Variants in FGF4 observed in about 807,000 individuals in gnomAD.
The protein encoded by FGF4 is heparin secretory transforming protein 1.
FGF4 carries 9 observed loss-of-function variants against 15.7 expected under a neutral mutation model. The ratio of observed to expected loss-of-function variants is 0.57; its 90% CI spans 0.35 to 1.00. The LOEUF (loss-of-function observed/expected upper bound fraction) is 1.00, where lower values mean the gene tolerates loss of function less well. Among genes scored for constraint, FGF4 ranks in the 50% least tolerant of loss-of-function variants. The pLI is 0.02. For synonymous variants in FGF4, 164 were observed against 144.8 expected (o/e 1.13, Z -0.95); for missense variants, 286 against 297.3 (o/e 0.96, Z 0.28).
intron 1 of FGF4, 52 bp from the exon 2 acceptor site, chr11:69,774,179 G>A (rs769840839): frequency 2.8e-6 from 4 of 1,442,556 alleles, no homozygotes; most frequent in Non-Finnish European, 3.8e-6. Context: ...GGCCCACTCC[G>A]CCCCTCGGCT....
Position 69,774,972 on chromosome 11 carries a change from G to T in FGF4, c.113C>A (p.Thr38Lys). The part of the protein sequence containing the change: ...GAAAPTAPNG[T>K]LEAELERRWE... The stretch of plus-strand genomic sequence containing the variant: ...GCGGCGCTCCAGCTCGGCCTCCAGC[G>T]TGCCGTTGGGTGCAGTGGGTGCGGC... The change falls in exon 1 of 3, where the codon ACG becomes AAG. Residue 38 changes from threonine to lysine, a missense_variant. Physicochemically the swap from Thr to Lys is moderately conservative, Grantham distance 78. Coordinates refer to ENST00000168712, the MANE Select transcript of FGF4 (RefSeq NM_002007.4). 2.0e-6 allele frequency: 3 copies of T among 1,474,414 alleles called. No homozygotes were observed. Among genetic ancestry groups the T allele is most frequent in the Non-Finnish European group, 2.7e-6 (3 of 1,120,684 alleles). 91.3% of individuals were successfully genotyped at this position (1,474,414 alleles called of 1,614,324 possible).
In FGF4 at chr11:69,771,107, G is replaced by T. The variant is rs996951853; in HGVS notation, c.*2202C>A. The T allele has an allele frequency of 6.6e-6, 1 of 152,166 alleles. No individual in the cohort carries two copies. Among genetic ancestry groups the T allele is most frequent in the South Asian group, 2.1e-4 (1 of 4,832 alleles). The allele number at this position is 152,166 out of a possible 1,614,324, so 9.4% of individuals were successfully genotyped here. On this transcript the variant is annotated 3_prime_UTR_variant, in exon 3 of 3. Coordinates refer to ENST00000168712, the MANE Select transcript of FGF4 (RefSeq NM_002007.4). ...TGGTGTCTTTTTATACACGATAAAC[G>T]CTTATCATTGTCGGTCAGCATGTCA...
In FGF4 at chr11:69,775,187, G is replaced by C; in HGVS notation, c.-103C>G. On this transcript the variant is annotated 5_prime_UTR_variant, in exon 1 of 3. Transcript: ENST00000168712. ...CCCGCGGGAGCGCACGGCCGACCTCGGGCAGGAGTGCGCAACCGAGGAGGT... is the reference window on the plus strand; with the variant it reads ...CCCGCGGGAGCGCACGGCCGACCTCCGGCAGGAGTGCGCAACCGAGGAGGT... The C allele has an allele frequency of 2.5e-6, 2 of 803,682 alleles. No individual in the cohort carries two copies. Among genetic ancestry groups the C allele is most frequent in the Non-Finnish European group, 3.4e-6 (2 of 595,024 alleles). The allele number at this position is 803,682 out of a possible 1,614,324, so 49.8% of individuals were successfully genotyped here.
chr11:69,772,972 A>C lies in FGF4; in HGVS notation c.*337T>G. 1 of 278,684 alleles carries C rather than the reference A, an allele frequency of 3.6e-6. No homozygotes were observed. Among genetic ancestry groups the C allele is most frequent in the Non-Finnish European group, 6.8e-6 (1 of 146,012 alleles). The allele number at this position is 278,684 out of a possible 1,614,324, so 17.3% of individuals were successfully genotyped here. A position where few individuals can be genotyped will look rare whatever the true frequency, so the allele number is the denominator to read the frequency against. Reference sequence around the variant, plus strand: ...CCATACTACAGGGGATGACATCGGAATCCAATGTCACCTTTTTTTAAAACA... The same window carrying C: ...CCATACTACAGGGGATGACATCGGACTCCAATGTCACCTTTTTTTAAAACA... On this transcript the variant is annotated 3_prime_UTR_variant, in exon 3 of 3. Transcript: ENST00000168712.
Position 69,774,901 on chromosome 11 carries a change from C to A in FGF4, c.184G>T (p.Ala62Ser). 6.7e-7 allele frequency: 1 copy of A among 1,483,740 alleles called. No individual in the cohort carries two copies. The highest frequency in any genetic ancestry group is 8.9e-7 in the Non-Finnish European group (1 of 1,124,872). 91.9% of individuals were successfully genotyped at this position (1,483,740 alleles called of 1,614,324 possible). Reference protein sequence around the residue: ...ALSLARLPVAAQPKEAAVQSG... With the variant: ...ALSLARLPVASQPKEAAVQSG... The stretch of plus-strand genomic sequence containing the variant: ...TGGACGGCCGCCTCCTTGGGCTGCG[C>A]TGCCACCGGCAGGCGCGCCAACGAG... The change falls in exon 1 of 3, where the codon GCG (alanine) becomes TCG (serine). Residue 62 changes from alanine (A) to serine (S), a missense_variant. By Grantham distance (99) the Ala-to-Ser change is moderately conservative. Transcript: ENST00000168712.
In FGF4 at chr11:69,771,937, C is replaced by T. The variant is rs1313230750; in HGVS notation, c.*1372G>A. On this transcript the variant is annotated 3_prime_UTR_variant, in exon 3 of 3. Transcript: ENST00000168712. The stretch of plus-strand genomic sequence containing the variant: ...CCTCGGAACTTTTTTTAAACATCAC[C>T]GACCCTGCCTCTTCCACGGTTGCTT... 2 of 152,054 alleles carry T rather than the reference C, an allele frequency of 1.3e-5. No individual in the cohort carries two copies. The highest frequency in any genetic ancestry group is 2.9e-5 in the Non-Finnish European group (2 of 68,002). 9.4% of individuals were successfully genotyped at this position (152,054 alleles called of 1,614,324 possible).
In FGF4 at chr11:69,773,186, A is replaced by T; in HGVS notation, c.*123T>A. On this transcript the variant is annotated 3_prime_UTR_variant, in exon 3 of 3. Transcript: ENST00000168712. ...GCAATATATACACATTTAAATAATT[A>T]ATTTAAATATCTTACACCTACTCTT... 1 of 682,384 alleles carries T rather than the reference A, an allele frequency of 1.5e-6. No individual in the cohort carries two copies. Among genetic ancestry groups the T allele is most frequent in the Non-Finnish European group, 2.5e-6 (1 of 404,038 alleles). The allele number at this position is 682,384 out of a possible 1,614,324, so 42.3% of individuals were successfully genotyped here. A position where few individuals can be genotyped will look rare whatever the true frequency, so the allele number is the denominator to read the frequency against.
rs911071371 is a variant in FGF4 at position 69,775,165 on chromosome 11, G to C, written c.-81C>G. ...GGCAGAGCTGCGCCTGTGGCGTCCC[G>C]CGGGAGCGCACGGCCGACCTCGGGC... is the stretch of plus-strand genomic sequence containing the variant. On this transcript the variant is annotated 5_prime_UTR_variant, in exon 1 of 3. Transcript: ENST00000168712. 14 of 986,700 alleles carry C rather than the reference G, an allele frequency of 1.4e-5. No individual in the cohort carries two copies. In the African/African-American group the frequency reaches 2.4e-4, roughly 17 times the overall value. 61.1% of individuals were successfully genotyped at this position (986,700 alleles called of 1,614,324 possible). A position where few individuals can be genotyped will look rare whatever the true frequency, so the allele number is the denominator to read the frequency against.
chr11:69,774,096 G>C lies in FGF4; in HGVS notation c.372C>G (p.Gly124=). The C allele has an allele frequency of 6.2e-7, 1 of 1,612,766 alleles. No individual in the cohort carries two copies. The highest frequency in any genetic ancestry group is 8.5e-7 in the Non-Finnish European group (1 of 1,179,904). ...SLLELSPVER[G]VVSIFGVASR... is the part of the protein sequence containing the mutation. ...TGGCCACGCCGAAGATGCTCACCAC[G>C]CCCCGCTCCACGGGCGAGAGCTCCA... is the stretch of plus-strand genomic sequence containing the variant. The change falls in exon 2 of 3, where the codon GGC becomes GGG. Residue 124 remains glycine (G), a synonymous_variant. Transcript: ENST00000168712.
Position 69,775,119 on chromosome 11 carries a change from A to G in FGF4, c.-35T>C. ...AGGGCCGTGCGTCGGTCAGGCGGTCAGTGCGCCCGGGAAGCTGGGGGGCAG... is the reference window on the plus strand; with the variant it reads ...AGGGCCGTGCGTCGGTCAGGCGGTCGGTGCGCCCGGGAAGCTGGGGGGCAG... On this transcript the variant is annotated 5_prime_UTR_variant, in exon 1 of 3. Coordinates refer to ENST00000168712, the MANE Select transcript of FGF4 (RefSeq NM_002007.4). The G allele has an allele frequency of 8.0e-7, 1 of 1,254,150 alleles. No homozygotes were observed. Among genetic ancestry groups the G allele is most frequent in the Non-Finnish European group, 1.0e-6 (1 of 991,838 alleles). 77.7% of individuals were successfully genotyped at this position (1,254,150 alleles called of 1,614,324 possible). A position where few individuals can be genotyped will look rare whatever the true frequency, so the allele number is the denominator to read the frequency against.
At position 69,773,422 on chromosome 11, in the gene FGF4, C is replaced by G. The variant is rs1855599086; in HGVS notation, c.508G>C (p.Glu170Gln). 1 of 1,614,140 alleles carries G rather than the reference C, an allele frequency of 6.2e-7. No individual in the cohort carries two copies. Among genetic ancestry groups the G allele is most frequent in the South Asian group, 1.1e-5 (1 of 91,078 alleles). ...ILLPNNYNAY[E>Q]SYKYPGMFIA... ...AACATGCCGGGGTACTTGTAGGACT[C>G]GTAGGCGTTGTAGTTGTTGGGAAGG... Residue 170 changes from glutamate to glutamine, a missense_variant, in exon 3 of 3, where the codon GAG becomes CAG. Transcript: ENST00000168712.
intron 1 of FGF4, 130 bp downstream of exon 1, chr11:69,774,615 C>A (rs1249073598): frequency 9.4e-6 from 6 of 639,250 alleles, no homozygotes. Context: ...GGACCGGAGC[C>A]CGAGTCCGCC....
Position 69,774,041 on chromosome 11 carries a change from C to G in FGF4, c.427G>C (p.Gly143Arg), listed in dbSNP as rs1855608191. Residue 143 changes from glycine to arginine, a missense_variant, in exon 2 of 3, where the codon GGC becomes CGC. Transcript: ENST00000168712. ...GTACTCACCGAGCCATAGAGCTTGC[C>G]CTTGCTGCTCATGGCCACGAAGAAC... ...SRFFVAMSSK[G>R]KLYGSPFFTD... is the part of the protein sequence containing the mutation. 6.2e-7 allele frequency: 1 copy of G among 1,612,922 alleles called. No individual in the cohort carries two copies. Among genetic ancestry groups the G allele is most frequent in the African/African-American group, 1.3e-5 (1 of 74,954 alleles).
rs1432374845 is a variant in FGF4 at position 69,774,115 on chromosome 11, A to C, written c.353T>G (p.Leu118Arg). ...CACCACGCCCCGCTCCACGGGCGAG[A>C]GCTCCAGCAGGCCTGGGGGCGGGGC... ...HADTRDSLLELSPVERGVVSI... is the reference protein window; with the variant it reads ...HADTRDSLLERSPVERGVVSI... Residue 118 changes from leucine to arginine, a missense_variant, in exon 2 of 3, where the codon CTC becomes CGC. Coordinates refer to ENST00000168712, the MANE Select transcript of FGF4 (RefSeq NM_002007.4). 6.2e-7 allele frequency: 1 copy of C among 1,611,806 alleles called. No individual in the cohort carries two copies. Among genetic ancestry groups the C allele is most frequent in the African/African-American group, 1.3e-5 (1 of 74,866 alleles).
intron 1 of FGF4, among the ~76,000 whole-genome samples, chr11:69,774,477 G>C (rs943073188): frequency 6.6e-6 from 1 of 152,314 alleles, no homozygotes; most frequent in African/African-American, 2.4e-5. Context: ...CTGTGCCCAC[G>C]GGCGAAGGCG....
chr11:69,775,049 G>C lies in FGF4; in HGVS notation c.36C>G (p.Leu12=). Residue 12 remains leucine (L), a synonymous_variant, in exon 1 of 3, where the codon CTC becomes CTG. Coordinates refer to ENST00000168712, the MANE Select transcript of FGF4 (RefSeq NM_002007.4). ...SGPGTAAVAL[L]PAVLLALLAP... is the part of the protein sequence containing the mutation. The stretch of plus-strand genomic sequence containing the variant: ...CCAGCAAGGCCAGCAGGACCGCCGG[G>C]AGCAGCGCTACCGCGGCCGTCCCGG... 7.2e-7 allele frequency: 1 copy of C among 1,386,272 alleles called. No homozygotes were observed. 85.9% of individuals were successfully genotyped at this position (1,386,272 alleles called of 1,614,324 possible). A position where few individuals can be genotyped will look rare whatever the true frequency, so the allele number is the denominator to read the frequency against.
chr11:69,773,289 G>A lies in FGF4; in HGVS notation c.*20C>T, dbSNP rs528036747. 3.1e-6 allele frequency: 5 copies of A among 1,613,132 alleles called. No individual in the cohort carries two copies. The highest frequency in any genetic ancestry group is 1.3e-5 in the African/African-American group (1 of 75,040). On this transcript the variant is annotated 3_prime_UTR_variant, in exon 3 of 3. Transcript: ENST00000168712. ...CCTCCCAGGGGCTTCCCGAGGCTGA[G>A]GCAAGGGTCCTCTGGAGGGTCACAG...
At chr11:69,773,963 G>A (rs1855607027) in intron 2 of FGF4, 61 bp downstream of exon 2, 5 of 1,395,830 alleles carry the variant, frequency 3.6e-6, no homozygotes, top group Non-Finnish European at 4.0e-6. Context: ...GAAGCCACGA[G>A]CCTGCTAGCC....
chr11:69,773,001 A>G lies in FGF4; in HGVS notation c.*308T>C. Reference sequence around the variant, plus strand: ...AATGTCACCTTTTTTTAAAACACAGAATAGCAGCACACTCGTGACAACTTT... The same window carrying G: ...AATGTCACCTTTTTTTAAAACACAGGATAGCAGCACACTCGTGACAACTTT... On this transcript the variant is annotated 3_prime_UTR_variant, in exon 3 of 3. Transcript: ENST00000168712. The G allele has an allele frequency of 3.0e-6, 1 of 332,788 alleles. No homozygotes were observed. Among genetic ancestry groups the G allele is most frequent in the Non-Finnish European group, 5.5e-6 (1 of 180,490 alleles). The allele number at this position is 332,788 out of a possible 1,614,324, so 20.6% of individuals were successfully genotyped here. A position where few individuals can be genotyped will look rare whatever the true frequency, so the allele number is the denominator to read the frequency against.
Sources: allele counts gnomAD v4.1 joint callset (sites outside exome capture counted in the v4.1 genomes callset), GRCh38; gene constraint gnomAD v4.1.1; transcripts MANE v1.5; gene names NCBI Gene and HGNC (gene_info 2026-07-23, HGNC 2026-07-21).